AK5: variants seen among roughly 807,000 people sequenced by gnomAD.
AK5 encodes the protein adenylate kinase 5, also known as adenylate kinase isoenzyme 5.
In AK5, 27 loss-of-function variants were observed where a neutral mutation model predicts 69.5. The ratio of observed to expected loss-of-function variants is 0.39; its 90% CI spans 0.29 to 0.54. The LOEUF (loss-of-function observed/expected upper bound fraction) is 0.54, where lower values mean the gene tolerates loss of function less well. Among genes scored for constraint, AK5 ranks in the 20% least tolerant of loss-of-function variants. AK5 has a pLI of 0.71. For missense variants in AK5, 531 were observed against 700.4 expected (o/e 0.76, Z 2.73); for synonymous variants, 260 against 244.4 (o/e 1.06, Z -0.60).
At chr1:77,531,531 C>G (rs867234197) in intron 12 of AK5, among the ~76,000 whole-genome samples, 6 of 152,256 alleles carry the variant, frequency 3.9e-5, no homozygotes, top group Middle Eastern at 6.8e-3. Flanking sequence ...TAGCTAGATA[C>G]AGAGTGTTGA....
At chr1:77,500,027 A>G (rs1232874935) in intron 10 of AK5, among the ~76,000 whole-genome samples, 2 of 151,344 alleles carry the variant, frequency 1.3e-5, no homozygotes, top group East Asian at 1.9e-4. Context: ...AGTTCCTCAA[A>G]CTCAGGTGTG....
At chr1:77,499,018 G>T (rs1178607058) in intron 10 of AK5, among the ~76,000 whole-genome samples, 2 of 152,178 alleles carry the variant, frequency 1.3e-5, no homozygotes, top group African/African-American at 4.8e-5. Flanking sequence ...ATTTCCTCTA[G>T]CTGACACATT....
intron 6 of AK5, among the ~76,000 whole-genome samples, chr1:77,372,508 A>G (rs531737387): frequency 6.6e-6 from 1 of 152,314 alleles, no homozygotes; most frequent in Non-Finnish European, 1.5e-5. Flanking sequence ...AATATTCTGA[A>G]AAAGAAGTAT....
chr1:77,458,839 C>T (rs1653657900), intron 8 of AK5, among the ~76,000 whole-genome samples: 2 of 152,200 alleles, frequency 1.3e-5, no homozygotes, highest in East Asian at 1.9e-4. Flanking sequence ...GGGATTAATA[C>T]ATGAACTTCT....
chr1:77,497,920 T>G (rs767266242), intron 10 of AK5, among the ~76,000 whole-genome samples: 14 of 145,752 alleles, frequency 9.6e-5, no homozygotes, highest in Admixed American at 8.7e-4. Context: ...TTATGAGATA[T>G]CCAAGCAGTG....
chr1:77,390,150 T>C (rs1648326782), intron 6 of AK5, among the ~76,000 whole-genome samples: 1 of 152,158 alleles, frequency 6.6e-6, no homozygotes, highest in African/African-American at 2.4e-5. Flanking sequence ...AGCCATTCAG[T>C]AAGAGACCTG....
intron 8 of AK5, among the ~76,000 whole-genome samples, chr1:77,439,605 T>C (rs1478197771): frequency 1.3e-5 from 2 of 152,104 alleles, no homozygotes; most frequent in Non-Finnish European, 2.9e-5. Context: ...TCTGCCTCCA[T>C]GATATTTACT....
At chr1:77,508,344 G>A (rs1055311498) in intron 10 of AK5, among the ~76,000 whole-genome samples, 3 of 152,164 alleles carry the variant, frequency 2.0e-5, no homozygotes, top group African/African-American at 7.2e-5. Flanking sequence ...GCCCAGAGAT[G>A]TACAGATCTG....
intron 6 of AK5, among the ~76,000 whole-genome samples, chr1:77,358,405 CACTT>C (rs1392794149): frequency 1.3e-5 from 2 of 152,128 alleles, no homozygotes; most frequent in Non-Finnish European, 2.9e-5. Context: ...CTTTGTAAGT[CACTT>C]ACAGAACGCA....
Position 77,402,974 on chromosome 1 carries a change from T to G in AK5, c.892-8007T>G, listed in dbSNP as rs530916108. 1.9e-4 allele frequency among the ~76,000 whole-genome samples: 29 copies of G among 152,162 alleles called. No homozygotes were observed. In the East Asian group the frequency reaches 5.0e-3, roughly 26 times the overall value. ...CAGCACCTGTTGTTTCCTGACTTTTTAATGATTGCCATTCTAACTGGTGTG... is the reference window on the plus strand; with the variant it reads ...CAGCACCTGTTGTTTCCTGACTTTTGAATGATTGCCATTCTAACTGGTGTG... On this transcript the variant is annotated intron_variant, in intron 6 of 13. Coordinates refer to ENST00000354567, the MANE Select transcript of AK5 (RefSeq NM_174858.3).
chr1:77,546,467 T>C (rs1430380088), intron 13 of AK5, among the ~76,000 whole-genome samples: 2 of 152,196 alleles, frequency 1.3e-5, no homozygotes, highest in Non-Finnish European at 2.9e-5. Context: ...CCCAGCACTT[T>C]GGGAGGCCGA....
intron 8 of AK5, among the ~76,000 whole-genome samples, chr1:77,460,112 G>A (rs1016267804): frequency 6.6e-6 from 1 of 152,100 alleles, no homozygotes; most frequent in African/African-American, 2.4e-5. Context: ...ATTAATAAAG[G>A]AGTCACTGAG....
intron 6 of AK5, among the ~76,000 whole-genome samples, chr1:77,355,925 A>T (rs1342600974): frequency 6.6e-6 from 1 of 151,468 alleles, no homozygotes; most frequent in Non-Finnish European, 1.5e-5. Context: ...ACACACACTT[A>T]ATATATATAG....
chr1:77,468,781 G>C (rs1654297109), intron 8 of AK5, among the ~76,000 whole-genome samples: 1 of 152,178 alleles, frequency 6.6e-6, no homozygotes, highest in Non-Finnish European at 1.5e-5. Flanking sequence ...CTTTGCTAAA[G>C]GCTTTTCAAA....
intron 6 of AK5, among the ~76,000 whole-genome samples, chr1:77,349,221 A>G (rs1662068541): frequency 6.6e-6 from 1 of 152,148 alleles, no homozygotes; most frequent in South Asian, 2.1e-4. Context: ...TATAAGTGGG[A>G]GCTAAACATT....
At chr1:77,524,947 G>A (rs754748510) in intron 12 of AK5, among the ~76,000 whole-genome samples, 15 of 152,202 alleles carry the variant, frequency 9.9e-5, no homozygotes, top group East Asian at 7.7e-4. Context: ...TCAGTCTGTC[G>A]CCCAGGCTGG....
intron 8 of AK5, among the ~76,000 whole-genome samples, chr1:77,445,916 T>C (rs191714261): frequency 5.9e-4 from 90 of 152,326 alleles, no homozygotes; most frequent in Non-Finnish European, 1.1e-3. Flanking sequence ...TTTCGTTCAC[T>C]GTGCAGCTTT....
At chr1:77,499,413 A>T (rs1656562631) in intron 10 of AK5, among the ~76,000 whole-genome samples, 1 of 152,184 alleles carries the variant, frequency 6.6e-6, no homozygotes, top group Non-Finnish European at 1.5e-5. Context: ...TGGTTCTGCC[A>T]GGCTGCAGGG....
rs12065923 is a variant in AK5, at chr1:77,546,996, G to A, written c.1620+10958G>A. Among the ~76,000 whole-genome samples, 778 of 152,288 alleles carry A rather than the reference G, an allele frequency of 5.1e-3. 7 individuals carry two copies. Among genetic ancestry groups the A allele is most frequent in the African/African-American group, 0.018 (729 of 41,556 alleles). On this transcript the variant is annotated intron_variant, in intron 13 of 13. Transcript: ENST00000354567. The stretch of plus-strand genomic sequence containing the variant: ...AGTGCCAAATAGATGAATTAAAGTC[G>A]TGGCAGATGAGACTAAAGAGCAAGA...
Sources: gnomAD v4.1 joint callset for allele counts (sites outside exome capture counted in the v4.1 genomes callset) on GRCh38, gnomAD v4.1.1 for gene constraint, MANE v1.5 for transcripts, NCBI Gene and HGNC (gene_info 2026-07-23, HGNC 2026-07-21) for gene names.